TAFA5: variants seen among roughly 807,000 people sequenced by gnomAD.
TAFA5 encodes the protein chemokine-like protein TAFA-5.
Under a neutral mutation model 15.3 loss-of-function variants are expected in TAFA5, and 6 were observed. That is an observed-to-expected ratio of 0.39 (90% confidence interval 0.21 to 0.77). The LOEUF is 0.77. Among genes scored for constraint, TAFA5 ranks in the 30% least tolerant of loss-of-function variants. TAFA5 has a pLI of 0.41. For synonymous variants in TAFA5, 103 were observed against 80.7 expected (o/e 1.28, Z -1.48); for missense variants, 161 against 193.1 (o/e 0.83, Z 0.98).
At chr22:48,721,334 G>A (rs575133290) in intron 3 of TAFA5, among the ~76,000 whole-genome samples, 41 of 152,090 alleles carry the variant, frequency 2.7e-4, no homozygotes, top group Non-Finnish European at 5.4e-4. Context: ...CCTTCGTCCC[G>A]CCCGCTGCGT....
At chr22:48,672,098 G>A (rs189350590) in intron 2 of TAFA5, among the ~76,000 whole-genome samples, 10 of 152,320 alleles carry the variant, frequency 6.6e-5, no homozygotes, top group African/African-American at 2.4e-4. Context: ...TATTTACCAA[G>A]CTCAGCTGAT....
intron 2 of TAFA5, among the ~76,000 whole-genome samples, chr22:48,665,375 A>T (rs1927576082): frequency 6.6e-6 from 1 of 152,162 alleles, no homozygotes; most frequent in Non-Finnish European, 1.5e-5. Context: ...ATGAGCAGAA[A>T]TTCTTAATGT....
chr22:48,590,027 C>A (rs549501343), intron 1 of TAFA5, among the ~76,000 whole-genome samples: 1 of 151,950 alleles, frequency 6.6e-6, no homozygotes, highest in African/African-American at 2.4e-5. Flanking sequence ...CGCACATGCA[C>A]GCGTGCTTGG....
intron 2 of TAFA5, among the ~76,000 whole-genome samples, chr22:48,654,131 G>A (rs1011578971): frequency 2.0e-5 from 3 of 152,104 alleles, no homozygotes; most frequent in East Asian, 1.9e-4. Context: ...GGAGGGAAGA[G>A]GGCGGTCACC....
rs1921921736 is a variant in TAFA5, at chr22:48,530,054, G to T, written c.112+40350G>T. 6.6e-6 allele frequency among the ~76,000 whole-genome samples: 1 copy of T among 152,158 alleles called. No individual in the cohort carries two copies. Among genetic ancestry groups the T allele is most frequent in the Non-Finnish European group, 1.5e-5 (1 of 68,016 alleles). On this transcript the variant is annotated intron_variant, in intron 1 of 3. Transcript: ENST00000402357. This position sits in a 1 kb window ranked among gnomAD's most constrained non-coding sequence, Gnocchi z 6.0. Reference sequence around the variant, plus strand: ...GAGCTTGTGGCTGCAGAGGCCGTGGGCCCTCTGCTTTGTGGGGCTGGGCTG... The same window carrying T: ...GAGCTTGTGGCTGCAGAGGCCGTGGTCCCTCTGCTTTGTGGGGCTGGGCTG...
At chr22:48,668,834 C>G (rs1927709512) in intron 2 of TAFA5, among the ~76,000 whole-genome samples, 1 of 152,214 alleles carries the variant, frequency 6.6e-6, no homozygotes, top group South Asian at 2.1e-4. Context: ...GGATTAACTT[C>G]CCTCCTGGTG....
intron 1 of TAFA5, among the ~76,000 whole-genome samples, chr22:48,572,593 G>A (rs1200206871): frequency 1.3e-5 from 2 of 152,186 alleles, no homozygotes; most frequent in African/African-American, 4.8e-5. Flanking sequence ...CACTCCAGAA[G>A]CAGGTTCCTG....
intron 2 of TAFA5, among the ~76,000 whole-genome samples, chr22:48,685,925 C>T (rs182161792): frequency 1.9e-4 from 29 of 151,016 alleles, no homozygotes; most frequent in East Asian, 3.9e-4. Context: ...GCCCCACGTG[C>T]GCCCCGGGAG....
chr22:48,523,013 G>A (rs2147108158), intron 1 of TAFA5, among the ~76,000 whole-genome samples: 1 of 152,334 alleles, frequency 6.6e-6, no homozygotes, highest in East Asian at 1.9e-4. Flanking sequence ...TGGCGGGGCT[G>A]TGTCGGTTCC....
chr22:48,510,549 G>T (rs1260366899), intron 1 of TAFA5, among the ~76,000 whole-genome samples: 1 of 152,230 alleles, frequency 6.6e-6, no homozygotes, highest in African/African-American at 2.4e-5. Context: ...ATAAACTTCA[G>T]ATTTGAGAGA....
chr22:48,728,839 T>C (rs1163100765), intron 3 of TAFA5, among the ~76,000 whole-genome samples: 1 of 152,204 alleles, frequency 6.6e-6, no homozygotes, highest in Middle Eastern at 3.2e-3. Context: ...AACAAACCTA[T>C]AAAAATGTGG....
intron 1 of TAFA5, among the ~76,000 whole-genome samples, chr22:48,498,522 C>T (rs983402277): frequency 1.3e-5 from 2 of 152,098 alleles, no homozygotes; most frequent in African/African-American, 4.8e-5. Flanking sequence ...AACTCAAACC[C>T]TCCTTTTGGC....
rs13056210 is a variant in TAFA5 at position 48,668,572 on chromosome 22, A to G, written c.262+21826A>G. ...TGGGAGTGTTAATCCCCCAGCACTC[A>G]GGGCCGCGTCTTCACTGGGAGCTGT... On this transcript the variant is annotated intron_variant, in intron 2 of 3. Transcript: ENST00000402357. Among the ~76,000 whole-genome samples the G allele has an allele frequency of 1.2e-3, 6 of 5,074 alleles. 2 individuals are homozygous for G. The highest frequency in any genetic ancestry group is 8.3e-4 in the Non-Finnish European group (3 of 3,614). 3.3% of individuals were successfully genotyped at this position (5,074 alleles called of 152,430 possible). A position where few individuals can be genotyped will look rare whatever the true frequency, so the allele number is the denominator to read the frequency against.
rs1442447313 is a variant in TAFA5, at chr22:48,530,795, G to C, written c.112+41091G>C. ...CCGGTGGCAGAGGGAGTTCCCAGGA[G>C]TGAGGTTTGGGGCAGGAGAGGCGAC... On this transcript the variant is annotated intron_variant, in intron 1 of 3. Transcript: ENST00000402357. The surrounding 1 kb of genome is among the most constrained non-coding windows in gnomAD (Gnocchi z 6.0). Among the ~76,000 whole-genome samples the C allele has an allele frequency of 1.3e-5, 2 of 152,200 alleles. No homozygotes were observed. Among genetic ancestry groups the C allele is most frequent in the African/African-American group, 4.8e-5 (2 of 41,450 alleles).
chr22:48,685,726 TG>T (rs973633696), intron 2 of TAFA5, among the ~76,000 whole-genome samples: 11 of 151,694 alleles, frequency 7.3e-5, no homozygotes, highest in African/African-American at 2.7e-4. Flanking sequence ...TTCAGTTGGC[TG>T]GGGGGCTTAG....
chr22:48,520,165 C>T (rs59011463), intron 1 of TAFA5, among the ~76,000 whole-genome samples: 14,205 of 152,316 alleles, frequency 0.093, 805 homozygotes, highest in East Asian at 0.25. Flanking sequence ...CATGTTTCCC[C>T]TGGAGCTCCC....
intron 1 of TAFA5, among the ~76,000 whole-genome samples, chr22:48,524,119 G>A (rs939240498): frequency 2.6e-5 from 4 of 152,118 alleles, no homozygotes; most frequent in African/African-American, 7.2e-5. Flanking sequence ...CTGCTTTTTC[G>A]GGATTTTCTC....
intron 3 of TAFA5, among the ~76,000 whole-genome samples, chr22:48,718,526 C>T (rs1929473506): frequency 6.6e-6 from 1 of 152,136 alleles, no homozygotes; most frequent in Non-Finnish European, 1.5e-5. Context: ...CCTGTGTCTG[C>T]CCTGTCCGAC....
intron 3 of TAFA5, among the ~76,000 whole-genome samples, chr22:48,719,473 T>C (rs1319250717): frequency 1.3e-5 from 2 of 152,176 alleles, no homozygotes; most frequent in East Asian, 3.9e-4. Context: ...AGAGGAAAAC[T>C]GCCCAGAAGG....
Sources: allele counts gnomAD v4.1 joint callset (sites outside exome capture counted in the v4.1 genomes callset), GRCh38; gene constraint gnomAD v4.1.1; non-coding constraint Gnocchi (gnomAD v3.1); transcripts MANE v1.5; gene names NCBI Gene and HGNC (gene_info 2026-07-23, HGNC 2026-07-21).